The following PTPN9 variants were observed in gnomAD, a reference collection of about 807,000 sequenced individuals.
PTPN9 encodes tyrosine-protein phosphatase non-receptor type 9.
PTPN9 carries 26 observed loss-of-function variants against 69.8 expected under a neutral mutation model. That is an observed-to-expected ratio of 0.37 (90% CI 0.27 to 0.52). PTPN9 has a LOEUF of 0.52. PTPN9 is among the 20% of genes least tolerant of loss of function. The pLI is 0.91. For synonymous variants in PTPN9, 274 were observed against 272.5 expected (o/e 1.01, Z -0.05); for missense variants, 549 against 740.3 (o/e 0.74, Z 3.00).
intron 1 of PTPN9, among the ~76,000 whole-genome samples, chr15:75,538,381 C>T (rs947256477): frequency 2.0e-5 from 3 of 152,038 alleles, no homozygotes; most frequent in East Asian, 1.9e-4. Context: ...CCAAAAGATG[C>T]GTAACAACCT....
At chr15:75,494,383 C>T (rs1315728978) in intron 7 of PTPN9, among the ~76,000 whole-genome samples, 3 of 151,896 alleles carry the variant, frequency 2.0e-5, no homozygotes, top group South Asian at 2.1e-4. Context: ...GACAGAGTCT[C>T]GCTCTGTCCC....
intron 10 of PTPN9, among the ~76,000 whole-genome samples, chr15:75,471,732 C>T (rs571015505): frequency 1.3e-5 from 2 of 151,440 alleles, no homozygotes; most frequent in East Asian, 1.9e-4. Flanking sequence ...CTGGCCAACA[C>T]GGTGAAACCC....
At chr15:75,535,831 C>T (rs1319340094) in intron 1 of PTPN9, among the ~76,000 whole-genome samples, 1 of 152,134 alleles carries the variant, frequency 6.6e-6, no homozygotes, top group Non-Finnish European at 1.5e-5. Context: ...CAAAGACACA[C>T]TGGTTTGCTA....
intron 1 of PTPN9, among the ~76,000 whole-genome samples, chr15:75,561,836 A>C (rs1047484309): frequency 2.0e-5 from 3 of 152,010 alleles, no homozygotes; most frequent in African/African-American, 7.3e-5. Flanking sequence ...CAGCCTCCCA[A>C]GTAGCTGGGA....
chr15:75,469,776 G>A lies in PTPN9; in HGVS notation c.1567+16C>T. On this transcript the variant is annotated intron_variant, in intron 12 of 12. Transcript: ENST00000618819. ...ACTGCCCCTGCAGACACCAAGAGCTGCATTAGGTGCGTTACCTGTCCTGCC... is the reference window on the plus strand; with the variant it reads ...ACTGCCCCTGCAGACACCAAGAGCTACATTAGGTGCGTTACCTGTCCTGCC... 6.2e-7 allele frequency: 1 copy of A among 1,611,164 alleles called. No individual in the cohort carries two copies. Among genetic ancestry groups the A allele is most frequent in the Non-Finnish European group, 8.5e-7 (1 of 1,178,990 alleles).
At chr15:75,557,641 G>T (rs993409397) in intron 1 of PTPN9, among the ~76,000 whole-genome samples, 3 of 152,068 alleles carry the variant, frequency 2.0e-5, no homozygotes, top group African/African-American at 7.2e-5. Flanking sequence ...GCCAACACTT[G>T]TTTCCCATTT....
intron 1 of PTPN9, among the ~76,000 whole-genome samples, chr15:75,528,810 C>T (rs1388893544): frequency 6.6e-6 from 1 of 151,600 alleles, no homozygotes; most frequent in Non-Finnish European, 1.5e-5. Flanking sequence ...AAGGGATCCT[C>T]CTGTCCCCGC....
chr15:75,504,090 A>C (rs1285154417), intron 7 of PTPN9, among the ~76,000 whole-genome samples: 128 of 31,994 alleles, frequency 4.0e-3, no homozygotes, highest in Admixed American at 6.0e-3. Context: ...GGGGATCAGC[A>C]CCCCGCCCGG....
chr15:75,469,657 A>T, intron 12 of PTPN9, 135 bp downstream of exon 12: 3 of 976,428 alleles, frequency 3.1e-6, no homozygotes, highest in South Asian at 3.1e-5. Flanking sequence ...TAGATGAGGG[A>T]TTTTTCACAG....
chr15:75,500,475 T>C (rs779229234), intron 7 of PTPN9, among the ~76,000 whole-genome samples: 1 of 151,578 alleles, frequency 6.6e-6, no homozygotes, highest in Admixed American at 6.6e-5. Flanking sequence ...AAGGCGGAGG[T>C]TGCAGTGGGC....
At chr15:75,499,696 G>A (rs1488360182) in intron 7 of PTPN9, among the ~76,000 whole-genome samples, 3 of 151,752 alleles carry the variant, frequency 2.0e-5, no homozygotes, top group Non-Finnish European at 2.9e-5. Flanking sequence ...GAGCCACCGC[G>A]CCCAGCCAAA....
chr15:75,563,968 G>A (rs981612603), intron 1 of PTPN9, among the ~76,000 whole-genome samples: 3 of 152,000 alleles, frequency 2.0e-5, no homozygotes, highest in Non-Finnish European at 4.4e-5. Context: ...AAATAACACT[G>A]TGTGGTGATT....
intron 7 of PTPN9, among the ~76,000 whole-genome samples, chr15:75,502,464 G>A (rs1444285751): frequency 6.6e-6 from 1 of 151,786 alleles, no homozygotes; most frequent in Non-Finnish European, 1.5e-5. Context: ...AAAAAAAAAA[G>A]AGAGGGAGGG....
rs545607439 is a variant in PTPN9 at position 75,519,163 on chromosome 15, C to A, written c.423-1799G>T. Among the ~76,000 whole-genome samples, 4 of 152,300 alleles carry A rather than the reference C, an allele frequency of 2.6e-5. No individual in the cohort carries two copies. In the South Asian group the frequency reaches 8.3e-4, roughly 32 times the overall value. On this transcript the variant is annotated intron_variant, in intron 4 of 12. Transcript: ENST00000618819. ...CACTCTTGTCACCCAGGCTGGAGTG[C>A]AACGGCGGGATCTCGGCTCACTGCA... is the stretch of plus-strand genomic sequence containing the variant.
intron 7 of PTPN9, among the ~76,000 whole-genome samples, chr15:75,504,369 C>A (rs1229211808): frequency 1.0e-4 from 13 of 125,334 alleles, no homozygotes; most frequent in African/African-American, 4.1e-4. Flanking sequence ...GCCACCCCGT[C>A]CGGGAGGGAG....
intron 1 of PTPN9, among the ~76,000 whole-genome samples, chr15:75,537,753 CAAAAAAAAA>C (rs1164644727): frequency 1.8e-4 from 2 of 11,382 alleles, no homozygotes; most frequent in African/African-American, 4.6e-4. Context: ...GACTCCATCT[CAAAAAAAAA>C]AAAAAAAAAA....
chr15:75,477,273 A>C (rs547214353), intron 9 of PTPN9, among the ~76,000 whole-genome samples: 1 of 152,348 alleles, frequency 6.6e-6, no homozygotes, highest in East Asian at 1.9e-4. Context: ...CTGATATATA[A>C]TAGGTCTTCT....
intron 1 of PTPN9, among the ~76,000 whole-genome samples, chr15:75,545,254 T>A (rs1311244321): frequency 6.6e-6 from 1 of 151,992 alleles, no homozygotes; most frequent in African/African-American, 2.4e-5. Context: ...CCAATCTGAT[T>A]ATGGGAACTT....
At position 75,467,257 on chromosome 15, in the gene PTPN9, AAAT is replaced by A. The variant is rs984846044; in HGVS notation, c.*1509_*1511del. On this transcript the variant is annotated 3_prime_UTR_variant, in exon 13 of 13. Transcript: ENST00000618819. ...AAATACAAAATGAAATGATTGTAAA[AAAT>A]AATAATATACACATTCAAAGAGCTT... is the stretch of plus-strand genomic sequence containing the variant. 5.2e-5 allele frequency: 8 copies of A among 152,668 alleles called. No homozygotes were observed. Among genetic ancestry groups the A allele is most frequent in the African/African-American group, 1.2e-4 (5 of 41,460 alleles). 9.5% of individuals were successfully genotyped at this position (152,668 alleles called of 1,614,324 possible). A position where few individuals can be genotyped will look rare whatever the true frequency, so the allele number is the denominator to read the frequency against.
Sources: allele counts gnomAD v4.1 joint callset (sites outside exome capture counted in the v4.1 genomes callset), GRCh38; gene constraint gnomAD v4.1.1; transcripts MANE v1.5; gene names NCBI Gene and HGNC (gene_info 2026-07-23, HGNC 2026-07-21).